Variants in LRFN5 observed in about 807,000 individuals in gnomAD.
LRFN5 encodes the protein leucine rich repeat and fibronectin type III domain containing 5, also known as leucine-rich repeat and fibronectin type-III domain-containing protein 5.
LRFN5 carries 24 observed loss-of-function variants against 45.6 expected under a neutral mutation model. The ratio of observed to expected loss-of-function variants is 0.53; its 90% CI spans 0.38 to 0.74. LRFN5 has a LOEUF of 0.74. LRFN5 is among the 30% of genes least tolerant of loss of function. The pLI is 0.00. For missense variants in LRFN5, 776 were observed against 861.5 expected (o/e 0.90, Z 1.24); for synonymous variants, 340 against 313.8 (o/e 1.08, Z -0.88).
intron 2 of LRFN5, among the ~76,000 whole-genome samples, chr14:41,820,684 A>T (rs936347396): frequency 6.6e-6 from 1 of 151,830 alleles, no homozygotes; most frequent in African/African-American, 2.4e-5. Context: ...GAGTAATTTC[A>T]TTGGATCTGT....
intron 2 of LRFN5, among the ~76,000 whole-genome samples, chr14:41,769,275 A>C (rs1290140651): frequency 6.6e-6 from 1 of 152,186 alleles, no homozygotes; most frequent in Non-Finnish European, 1.5e-5. Flanking sequence ...CTTGTGATTA[A>C]GGAGGACAGC....
chr14:41,857,296 T>A (rs1052434345), intron 2 of LRFN5, among the ~76,000 whole-genome samples: 8 of 152,284 alleles, frequency 5.3e-5, no homozygotes, highest in Non-Finnish European at 8.8e-5. Context: ...GGAGCCCAAA[T>A]AATTTGGCCC....
chr14:41,752,417 C>A (rs940458546), intron 1 of LRFN5, among the ~76,000 whole-genome samples: 1 of 152,178 alleles, frequency 6.6e-6, no homozygotes, highest in African/African-American at 2.4e-5. Context: ...CACATCCTCT[C>A]CAGTACCTGT....
At chr14:41,761,082 CA>C (rs760951129) in intron 1 of LRFN5, among the ~76,000 whole-genome samples, 5 of 152,142 alleles carry the variant, frequency 3.3e-5, no homozygotes, top group African/African-American at 7.2e-5. Context: ...TTATATAAAA[CA>C]TTTTTTTTCA....
At chr14:41,611,892 C>T (rs1780187556) in intron 1 of LRFN5, among the ~76,000 whole-genome samples, 1 of 152,188 alleles carries the variant, frequency 6.6e-6, no homozygotes, top group Non-Finnish European at 1.5e-5. Flanking sequence ...AGAATACCCC[C>T]ACCCTATTCC....
chr14:41,778,306 A>T (rs371313481), intron 2 of LRFN5, among the ~76,000 whole-genome samples: 33 of 151,820 alleles, frequency 2.2e-4, no homozygotes, highest in African/African-American at 7.7e-4. Context: ...CTGAAGGATG[A>T]GGGGCCATCA....
chr14:41,784,339 G>T (rs1886641353), intron 2 of LRFN5, among the ~76,000 whole-genome samples: 1 of 151,712 alleles, frequency 6.6e-6, no homozygotes, highest in Non-Finnish European at 1.5e-5. Flanking sequence ...CTCCAACATT[G>T]TTGTATTTCC....
chr14:41,793,913 A>G (rs1015410839), intron 2 of LRFN5, among the ~76,000 whole-genome samples: 3 of 152,094 alleles, frequency 2.0e-5, no homozygotes, highest in Non-Finnish European at 2.9e-5. Context: ...AATTAAATTC[A>G]TCTTTGAAAA....
intron 2 of LRFN5, among the ~76,000 whole-genome samples, chr14:41,863,158 C>T (rs752687116): frequency 2.0e-5 from 3 of 152,190 alleles, no homozygotes; most frequent in Non-Finnish European, 4.4e-5. Context: ...AGCCACCACG[C>T]CCAGCCTAAG....
intron 2 of LRFN5, among the ~76,000 whole-genome samples, chr14:41,782,461 A>G (rs1886563467): frequency 6.6e-6 from 1 of 152,098 alleles, no homozygotes; most frequent in Admixed American, 6.6e-5. Context: ...AGCCCTTAAC[A>G]TATTAATCAT....
At chr14:41,885,502 A>G (rs1392879756) in intron 2 of LRFN5, among the ~76,000 whole-genome samples, 1 of 152,172 alleles carries the variant, frequency 6.6e-6, no homozygotes, top group African/African-American at 2.4e-5. Context: ...ATTTGGATAA[A>G]TATACATTCG....
chr14:41,628,502 G>T (rs186448507), intron 1 of LRFN5, among the ~76,000 whole-genome samples: 7 of 152,220 alleles, frequency 4.6e-5, no homozygotes, highest in Admixed American at 4.6e-4. Context: ...TGCTTGGGAG[G>T]CTGAGGTGGG....
chr14:41,840,836 T>C (rs1282476582), intron 2 of LRFN5, among the ~76,000 whole-genome samples: 2 of 152,048 alleles, frequency 1.3e-5, no homozygotes, highest in African/African-American at 2.4e-5. Flanking sequence ...TATCTATTTG[T>C]TGTATAAACC....
intron 2 of LRFN5, among the ~76,000 whole-genome samples, chr14:41,769,249 T>C (rs762950179): frequency 5.4e-4 from 82 of 152,334 alleles, no homozygotes; most frequent in Non-Finnish European, 1.1e-3. Context: ...AGAATAATGA[T>C]GCAATGGAAT....
At chr14:41,734,339 TA>T (rs1566642915) in intron 1 of LRFN5, among the ~76,000 whole-genome samples, 15 of 111,228 alleles carry the variant, frequency 1.3e-4, no homozygotes, top group African/African-American at 3.2e-4. Context: ...TATATATATA[TA>T]TATATTTAAA....
chr14:41,672,471 A>G (rs970804665), intron 1 of LRFN5, among the ~76,000 whole-genome samples: 2 of 152,168 alleles, frequency 1.3e-5, no homozygotes, highest in African/African-American at 4.8e-5. Flanking sequence ...CTTTTAATCA[A>G]ATACTTCTTA....
At chr14:41,857,146 TAA>T (rs1005815225) in intron 2 of LRFN5, among the ~76,000 whole-genome samples, 24 of 152,294 alleles carry the variant, frequency 1.6e-4, no homozygotes, top group African/African-American at 5.5e-4. Flanking sequence ...AAGAACCTTA[TAA>T]GTGTTGTTTT....
intron 2 of LRFN5, among the ~76,000 whole-genome samples, chr14:41,876,277 CT>C (rs34291427): frequency 2.9e-4 from 29 of 100,598 alleles, no homozygotes; most frequent in African/African-American, 3.8e-4. Context: ...CTTTTTCTTT[CT>C]TTTTTTTTTT....
intron 2 of LRFN5, among the ~76,000 whole-genome samples, chr14:41,778,608 T>A (rs151302379): frequency 6.6e-6 from 1 of 151,908 alleles, no homozygotes; most frequent in Non-Finnish European, 1.5e-5. Flanking sequence ...TTTATAAAAC[T>A]CATGTACACT....
Sources: allele counts gnomAD v4.1 joint callset (sites outside exome capture counted in the v4.1 genomes callset), GRCh38; gene constraint gnomAD v4.1.1; transcripts MANE v1.5; gene names NCBI Gene and HGNC (gene_info 2026-07-23, HGNC 2026-07-21).